The following USH2A variants were observed in gnomAD, a reference collection of about 807,000 sequenced individuals.
USH2A encodes usherin.
A neutral mutation model predicts 538.9 loss-of-function variants in USH2A; 443 were observed. The observed-to-expected ratio is 0.82, with a 90% CI of 0.76 to 0.89. The LOEUF (loss-of-function observed/expected upper bound fraction) is 0.89, where lower values mean the gene tolerates loss of function less well. Ranked by LOEUF, USH2A falls within the 40% of genes least tolerant of loss-of-function variation. USH2A has a pLI of 0.00. For synonymous variants in USH2A, 2,413 were observed against 2,273.5 expected (o/e 1.06, Z -1.75); for missense variants, 6,633 against 6,324.8 (o/e 1.05, Z -1.65).
intron 11 of USH2A, among the ~76,000 whole-genome samples, chr1:216,266,866 A>C (rs1474124514): frequency 6.6e-6 from 1 of 152,006 alleles, no homozygotes; most frequent in Non-Finnish European, 1.5e-5. Context: ...TTGAAAATAG[A>C]ACCAACATGA....
At chr1:216,145,363 G>T (rs147889139) in intron 21 of USH2A, among the ~76,000 whole-genome samples, 1 of 152,094 alleles carries the variant, frequency 6.6e-6, no homozygotes, top group Admixed American at 6.5e-5. Context: ...GGGGCAATGC[G>T]GTAAGAAGGG....
At position 216,093,461 on chromosome 1, in the gene USH2A, T is replaced by A. The variant is rs528751131; in HGVS notation, c.4758+3622A>T. Among the ~76,000 whole-genome samples, 3 of 152,224 alleles carry A rather than the reference T, an allele frequency of 2.0e-5. No individual in the cohort carries two copies. In the South Asian group the frequency reaches 6.2e-4, roughly 32 times the overall value. Reference sequence around the variant, plus strand: ...CTGTGAATGTTTCCCTGAATTCTGTTACCACGCTTTGCACCAGCCTGTCCA... The same window carrying A: ...CTGTGAATGTTTCCCTGAATTCTGTAACCACGCTTTGCACCAGCCTGTCCA... On this transcript the variant is annotated intron_variant, in intron 22 of 71. Transcript: ENST00000307340.
chr1:215,786,578 G>A (rs1473252868), intron 52 of USH2A, 92 bp downstream of exon 52: 1 of 1,368,366 alleles, frequency 7.3e-7, no homozygotes, highest in East Asian at 2.3e-5. Context: ...TCAGTTTAAG[G>A]AGAGTTGATG....
intron 16 of USH2A, among the ~76,000 whole-genome samples, chr1:216,201,011 C>CCCTTCCTT (rs1246221491): frequency 0.011 from 420 of 38,880 alleles, 11 homozygotes; most frequent in South Asian, 0.021. Context: ...CTCCCTCCCT[C>CCCTTCCTT]CCTTCCTTCC....
In USH2A at chr1:216,070,027, G is replaced by T. The variant is rs1011177595; in HGVS notation, c.6049+74C>A. On this transcript the variant is annotated intron_variant, in intron 30 of 71. Coordinates refer to ENST00000307340, the MANE Select transcript of USH2A (RefSeq NM_206933.4). ...TAATACATTTTTCTAAAAAACATTT[G>T]CAGAAGATTTTTATTTAAAATGCAA... 2.0e-6 allele frequency: 3 copies of T among 1,528,470 alleles called. No individual in the cohort carries two copies. The South Asian group carries it at 3.5e-5, about 18-fold the overall frequency. The allele number at this position is 1,528,470 out of a possible 1,614,324, so 94.7% of individuals were successfully genotyped here. A position where few individuals can be genotyped will look rare whatever the true frequency, so the allele number is the denominator to read the frequency against.
In USH2A at chr1:215,878,924, T is replaced by C. The variant is rs752306953; in HGVS notation, c.8398A>G (p.Asn2800Asp). The stretch of plus-strand genomic sequence containing the variant: ...TCTGTGCACCCTCCAAGGTACCCAT[T>C]ACCCCCTGAGCAAGCAACAATGGTG... ...SVTIVACSGG[N>D]GYLGGCTESL... The change falls in exon 42 of 72, where the codon AAT (asparagine) becomes GAT (aspartate). Residue 2800 changes from asparagine to aspartate, a missense_variant. Transcript: ENST00000307340. 6.2e-7 allele frequency: 1 copy of C among 1,613,982 alleles called. No individual in the cohort carries two copies. Among genetic ancestry groups the C allele is most frequent in the Non-Finnish European group, 8.5e-7 (1 of 1,179,992 alleles).
At chr1:215,980,701 TAG>T (rs1361052572) in intron 35 of USH2A, among the ~76,000 whole-genome samples, 1 of 152,116 alleles carries the variant, frequency 6.6e-6, no homozygotes, top group Admixed American at 6.6e-5. Context: ...CTTATATTAA[TAG>T]AGTTATGTTG....
intron 32 of USH2A, among the ~76,000 whole-genome samples, chr1:216,046,139 G>T (rs1430580672): frequency 6.6e-6 from 1 of 151,346 alleles, no homozygotes; most frequent in Non-Finnish European, 1.5e-5. Flanking sequence ...CTGTTACAAT[G>T]TGGTGTATTA....
chr1:216,382,374 G>A (rs1026233138), intron 3 of USH2A, among the ~76,000 whole-genome samples: 3 of 152,186 alleles, frequency 2.0e-5, no homozygotes, highest in Non-Finnish European at 4.4e-5. Flanking sequence ...TAAAGAACAT[G>A]TGCAGTTGTA....
chr1:216,338,259 T>C (rs1244613032), intron 4 of USH2A, among the ~76,000 whole-genome samples: 6 of 151,432 alleles, frequency 4.0e-5, no homozygotes, highest in Admixed American at 3.3e-4. Flanking sequence ...CTATAGCTTT[T>C]GGCAAGAAGT....
chr1:216,010,890 C>T (rs1668546214), intron 32 of USH2A, among the ~76,000 whole-genome samples: 1 of 151,856 alleles, frequency 6.6e-6, no homozygotes, highest in South Asian at 2.1e-4. Flanking sequence ...GACCTTAACC[C>T]ACAAGTATAA....
At chr1:215,677,925 C>G (rs1658087551) in intron 62 of USH2A, among the ~76,000 whole-genome samples, 1 of 152,222 alleles carries the variant, frequency 6.6e-6, no homozygotes, top group Non-Finnish European at 1.5e-5. Context: ...TTGCTCCTAA[C>G]TTGTTCATCT....
chr1:216,355,376 A>AAAGAAAGAAAGG, intron 4 of USH2A, among the ~76,000 whole-genome samples: 1 of 145,958 alleles, frequency 6.9e-6, no homozygotes, highest in South Asian at 2.2e-4. Context: ...AGAAAGAAAG[A>AAAGAAAGAAAGG]AGGAAAGAAA....
At chr1:216,015,696 TA>T (rs1478780215) in intron 32 of USH2A, among the ~76,000 whole-genome samples, 1 of 152,238 alleles carries the variant, frequency 6.6e-6, no homozygotes, top group East Asian at 1.9e-4. Flanking sequence ...TCTGACTTTT[TA>T]ATGATCGCCA....
At chr1:215,716,470 T>C (rs1374552262) in intron 61 of USH2A, among the ~76,000 whole-genome samples, 1 of 152,228 alleles carries the variant, frequency 6.6e-6, no homozygotes, top group Non-Finnish European at 1.5e-5. Context: ...CAGCCACTAA[T>C]GGGCACAGGT....
intron 11 of USH2A, among the ~76,000 whole-genome samples, chr1:216,280,788 G>A (rs1255978729): frequency 2.0e-5 from 3 of 152,174 alleles, no homozygotes; most frequent in African/African-American, 7.2e-5. Context: ...GTGCCAAAGG[G>A]AAAGTTCCCT....
intron 21 of USH2A, among the ~76,000 whole-genome samples, chr1:216,145,545 C>T (rs957362909): frequency 1.3e-5 from 2 of 152,200 alleles, no homozygotes; most frequent in African/African-American, 2.4e-5. Flanking sequence ...AGAAAAACAG[C>T]AGTATAACAG....
chr1:216,258,108 CTG>C (rs1395810374), intron 11 of USH2A, among the ~76,000 whole-genome samples: 6 of 152,172 alleles, frequency 3.9e-5, no homozygotes, highest in Non-Finnish European at 7.4e-5. Flanking sequence ...GTGCCAGAGA[CTG>C]TGAATTTTTT....
At chr1:215,932,997 A>G (rs1262449903) in intron 38 of USH2A, among the ~76,000 whole-genome samples, 2 of 152,152 alleles carry the variant, frequency 1.3e-5, no homozygotes, top group African/African-American at 4.8e-5. Flanking sequence ...TAGACCATAC[A>G]TTCCTAAAAA....
Sources: gnomAD v4.1 joint callset for allele counts (sites outside exome capture counted in the v4.1 genomes callset) on GRCh38, gnomAD v4.1.1 for gene constraint, MANE v1.5 for transcripts, NCBI Gene and HGNC (gene_info 2026-07-23, HGNC 2026-07-21) for gene names.